NCF2: variants seen among roughly 807,000 people sequenced by gnomAD.
NCF2 encodes neutrophil cytosolic factor 2.
NCF2 carries 45 observed loss-of-function variants against 70.9 expected under a neutral mutation model. The ratio of observed to expected loss-of-function variants is 0.63; its 90% CI spans 0.50 to 0.81. The LOEUF (loss-of-function observed/expected upper bound fraction) is 0.81. Ranked by LOEUF, NCF2 falls within the 40% of genes least tolerant of loss-of-function variation. NCF2 has a pLI of 0.00. For missense variants in NCF2, 522 were observed against 631.6 expected (o/e 0.83, Z 1.86); for synonymous variants, 203 against 233.6 (o/e 0.87, Z 1.19).
chr1:183,593,975 T>C (rs928137720), upstream of NCF2, among the ~76,000 whole-genome samples: 1 of 152,210 alleles, frequency 6.6e-6, no homozygotes, highest in Non-Finnish European at 1.5e-5. Context: ...GACAGCATTG[T>C]GAGATGTGTC....
chr1:183,559,736 G>A (rs1018726873), intron 14 of NCF2, among the ~76,000 whole-genome samples: 5 of 152,148 alleles, frequency 3.3e-5, no homozygotes, highest in African/African-American at 4.8e-5. Flanking sequence ...GTGGGCGCCT[G>A]TAATCCTAGC....
At chr1:183,592,507 A>T (rs1673700304), upstream of NCF2, among the ~76,000 whole-genome samples, 1 of 152,208 alleles carries the variant, frequency 6.6e-6, no homozygotes, top group Non-Finnish European at 1.5e-5. Flanking sequence ...AGTTGGGACC[A>T]TGCCTTTTCA....
At chr1:183,559,852 C>G (rs1395500781) in intron 14 of NCF2, among the ~76,000 whole-genome samples, 1 of 152,314 alleles carries the variant, frequency 6.6e-6, no homozygotes, top group Admixed American at 6.5e-5. Flanking sequence ...GAGGGGGACT[C>G]TGTCTCAAAA....
At chr1:183,572,487 C>G (rs562538969) in intron 5 of NCF2, among the ~76,000 whole-genome samples, 21 of 152,168 alleles carry the variant, frequency 1.4e-4, no homozygotes, top group African/African-American at 5.1e-4. Flanking sequence ...CAGCCAAGAC[C>G]TGGATTTAGA....
the NCF2 span, among the ~76,000 whole-genome samples, chr1:183,597,502 G>A: frequency 6.6e-6 from 1 of 152,262 alleles, no homozygotes; most frequent in South Asian, 2.1e-4. Context: ...ACATGTGTAG[G>A]TTTGTCACGT....
the NCF2 span, among the ~76,000 whole-genome samples, chr1:183,599,099 T>G: frequency 6.6e-6 from 1 of 152,340 alleles, no homozygotes; most frequent in East Asian, 1.9e-4. Context: ...AACAAACTCT[T>G]GACCAGGTAC....
intron 10 of NCF2, among the ~76,000 whole-genome samples, chr1:183,564,599 G>A (rs952843525): frequency 2.0e-5 from 3 of 152,080 alleles, no homozygotes; most frequent in African/African-American, 4.8e-5. Flanking sequence ...GAATCACATG[G>A]GAAGTTTTTT....
At chr1:183,571,969 T>C (rs1319412843) in intron 5 of NCF2, among the ~76,000 whole-genome samples, 1 of 152,208 alleles carries the variant, frequency 6.6e-6, no homozygotes, top group Non-Finnish European at 1.5e-5. Flanking sequence ...GTTGCATGGA[T>C]ATATCACATT....
Position 183,563,922 on chromosome 1 carries a change from A to G in NCF2, c.1026+83T>C, listed in dbSNP as rs1341942685. 17 of 1,472,316 alleles carry G rather than the reference A, an allele frequency of 1.2e-5. No individual in the cohort carries two copies. In the East Asian group the frequency reaches 3.6e-4, roughly 31 times the overall value. 91.2% of individuals were successfully genotyped at this position (1,472,316 alleles called of 1,614,324 possible). A position where few individuals can be genotyped will look rare whatever the true frequency, so the allele number is the denominator to read the frequency against. Reference sequence around the variant, plus strand: ...ACCCTCCCTTTGGGGCTCTTCCTATAATCCAGACAGACATGTCTGTGGTTG... The same window carrying G: ...ACCCTCCCTTTGGGGCTCTTCCTATGATCCAGACAGACATGTCTGTGGTTG... On this transcript the variant is annotated intron_variant, in intron 11 of 14. Transcript: ENST00000367535.
chr1:183,563,754 G>A, intron 11 of NCF2, 169 bp from the exon 12 acceptor site: 1 of 874,610 alleles, frequency 1.1e-6, no homozygotes. Context: ...AGGTCCTTTA[G>A]CCCAACCCTT....
At chr1:183,567,794 G>A (rs1672377572) in intron 7 of NCF2, among the ~76,000 whole-genome samples, 2 of 152,170 alleles carry the variant, frequency 1.3e-5, no homozygotes, top group South Asian at 4.1e-4. Flanking sequence ...AAACCACCTA[G>A]AACCAGTGTT....
rs1318004213 is a variant in NCF2, at chr1:183,570,834, C to T, written c.615G>A (p.Val205=). ...KKDYLGKATV[V]ASVVDQDSFS... The stretch of plus-strand genomic sequence containing the variant: ...AACTGTCTTGATCCACCACAGATGC[C>T]ACGACCTAAAATCAAGGACAGGAGG... Residue 205 remains valine (V), a synonymous_variant, in exon 6 of 15, where the codon GTG becomes GTA. Coordinates refer to ENST00000367535, the MANE Select transcript of NCF2 (RefSeq NM_000433.4). The T allele has an allele frequency of 1.9e-6, 3 of 1,614,030 alleles. No homozygotes were observed. Among genetic ancestry groups the T allele is most frequent in the Non-Finnish European group, 2.5e-6 (3 of 1,180,034 alleles).
intron 13 of NCF2, among the ~76,000 whole-genome samples, chr1:183,561,476 G>A (rs796907871): frequency 2.0e-5 from 3 of 152,250 alleles, no homozygotes; most frequent in African/African-American, 7.2e-5. Flanking sequence ...AGAATTCAAT[G>A]AGATGACATA....
chr1:183,566,871 G>A, intron 9 of NCF2, 49 bp downstream of exon 9: 1 of 1,600,924 alleles, frequency 6.2e-7, no homozygotes, highest in Non-Finnish European at 8.6e-7. Context: ...TCCAGGGAGA[G>A]ATCCCTAAAG....
rs563798337 is a variant in NCF2 at position 183,561,851 on chromosome 1, G to A, written c.1290+1344C>T. On this transcript the variant is annotated intron_variant, in intron 13 of 14. Coordinates refer to ENST00000367535, the MANE Select transcript of NCF2 (RefSeq NM_000433.4). ...ATCTCTCTGTCACCCAGACTGGAGT[G>A]CAGTGGTATGATATCAGCTCACTGT... Among the ~76,000 whole-genome samples, 217 of 129,552 alleles carry A rather than the reference G, an allele frequency of 1.7e-3. 1 individual carries two copies. Among genetic ancestry groups the A allele is most frequent in the Non-Finnish European group, 2.4e-3 (153 of 64,626 alleles). The allele number at this position is 129,552 out of a possible 152,430, so 85.0% of individuals were successfully genotyped here.
At chr1:183,578,183 G>C (rs993241427) in intron 2 of NCF2, among the ~76,000 whole-genome samples, 1 of 151,998 alleles carries the variant, frequency 6.6e-6, no homozygotes, top group Non-Finnish European at 1.5e-5. Context: ...CCTTCTTATA[G>C]CTGCCACCAT....
intron 2 of NCF2, 53 bp from the exon 3 acceptor site, chr1:183,577,760 C>A (rs748362510): frequency 2.3e-6 from 3 of 1,285,514 alleles, no homozygotes; most frequent in Non-Finnish European, 3.4e-6. Context: ...GAAATAAATG[C>A]AGCATAAAAT....
upstream of NCF2, among the ~76,000 whole-genome samples, chr1:183,592,396 TAGG>T (rs1329630347): frequency 8.5e-5 from 13 of 152,242 alleles, no homozygotes; most frequent in African/African-American, 3.1e-4. Flanking sequence ...CTCTGGGTAG[TAGG>T]AGAATTTTCC....
chr1:183,582,208 C>T (rs1459177433), intron 2 of NCF2, among the ~76,000 whole-genome samples: 1 of 152,246 alleles, frequency 6.6e-6, no homozygotes, highest in African/African-American at 2.4e-5. Context: ...CGGCAGCCCC[C>T]GCCTCCCTCT....
Sources: allele counts gnomAD v4.1 joint callset (sites outside exome capture counted in the v4.1 genomes callset), GRCh38; gene constraint gnomAD v4.1.1; transcripts MANE v1.5; gene names NCBI Gene and HGNC (gene_info 2026-07-23, HGNC 2026-07-21).